PHYHD1: variants seen among roughly 807,000 people sequenced by gnomAD.
PHYHD1 encodes phytanoyl-CoA dioxygenase domain-containing protein 1.
A neutral mutation model predicts 43.6 loss-of-function variants in PHYHD1; 42 were observed. That is an observed-to-expected ratio of 0.96 (90% CI 0.75 to 1.25). The LOEUF (loss-of-function observed/expected upper bound fraction) is 1.25. PHYHD1 is among the 50% of genes most tolerant of loss of function. The probability of loss-of-function intolerance (pLI) is 0.00; values close to 1 mark genes in which losing one functional copy is unlikely to be tolerated. For missense variants in PHYHD1, 342 were observed against 370.8 expected, an observed-to-expected ratio of 0.92 and a Z score of 0.64; for synonymous variants, 139 against 143.6, an observed-to-expected ratio of 0.97 and a Z score of 0.23.
intron 4 of PHYHD1, among the ~76,000 whole-genome samples, chr9:128,932,398 G>A (rs560424955): frequency 2.7e-5 from 4 of 150,936 alleles, no homozygotes; most frequent in East Asian, 3.9e-4. Context: ...ATGGAATTTC[G>A]CTCTTGTTGC....
intron 4 of PHYHD1, among the ~76,000 whole-genome samples, chr9:128,928,478 G>A (rs1841193109): frequency 6.6e-6 from 1 of 152,098 alleles, no homozygotes; most frequent in Admixed American, 6.6e-5. Flanking sequence ...CGAGGTGGGT[G>A]GATCATCTGA....
At position 128,922,046 on chromosome 9, in the gene PHYHD1, T is replaced by C; in HGVS notation, c.-43T>C. ...TCTCACAGCATAATTTCCCGGCACC[T>C]GGTAAGCAGTGGTGGGGGGTGGTTT... On this transcript the variant is annotated splice_region_variant and 5_prime_UTR_variant, in exon 2 of 13. Transcript: ENST00000372592. The C allele has an allele frequency of 2.0e-6, 1 of 491,242 alleles. No individual in the cohort carries two copies. Among genetic ancestry groups the C allele is most frequent in the Non-Finnish European group, 3.6e-6 (1 of 276,112 alleles). 30.4% of individuals were successfully genotyped at this position (491,242 alleles called of 1,614,324 possible). A position where few individuals can be genotyped will look rare whatever the true frequency, so the allele number is the denominator to read the frequency against.
At position 128,933,816 on chromosome 9, in the gene PHYHD1, A is replaced by C; in HGVS notation, c.227A>C (p.Lys76Thr). 2 of 1,614,132 alleles carry C rather than the reference A, an allele frequency of 1.2e-6. No individual in the cohort carries two copies. The highest frequency in any genetic ancestry group is 2.2e-5 in the South Asian group (2 of 91,078). Residue 76 changes from lysine (K) to threonine (T), a missense_variant, in exon 5 of 13, where the codon AAG becomes ACG. By Grantham distance (78) the Lys-to-Thr change is moderately conservative. Transcript: ENST00000372592. ...STDYFLSSGD[K>T]IRFFFEKGVF... is the part of the protein sequence containing the mutation. The stretch of plus-strand genomic sequence containing the variant: ...GACTATTTCTTGAGCAGTGGTGACA[A>C]GATTCGATTCTTCTTTGAGAAAGGC...
In PHYHD1 at chr9:128,921,152, G is replaced by C. The variant is rs979796751; in HGVS notation, c.-676G>C. The C allele has an allele frequency of 1.3e-5, 2 of 152,428 alleles. No individual in the cohort carries two copies. Among genetic ancestry groups the C allele is most frequent in the Non-Finnish European group, 2.9e-5 (2 of 68,264 alleles). 9.4% of individuals were successfully genotyped at this position (152,428 alleles called of 1,614,324 possible). On this transcript the variant is annotated 5_prime_UTR_variant, in exon 1 of 13. Transcript: ENST00000372592. ...AGATGGAGTCTTACTCTGTCGTCCA[G>C]GCTGGAGTGAGTGCCGTGGCATGAT...
At chr9:128,933,986 C>T (rs1273664506) in intron 5 of PHYHD1, 25 bp from the exon 6 acceptor site, 1 of 1,613,590 alleles carries the variant, frequency 6.2e-7, no homozygotes, top group Admixed American at 1.7e-5. Context: ...CAGTTCTCTG[C>T]CTTTATCTGT....
intron 3 of PHYHD1, among the ~76,000 whole-genome samples, chr9:128,926,080 T>C (rs1281368778): frequency 2.0e-5 from 3 of 152,198 alleles, no homozygotes; most frequent in Non-Finnish European, 4.4e-5. Context: ...CATGGCTGGC[T>C]TGCTTATAGC....
rs1305370000 is a variant in PHYHD1, at chr9:128,941,836, C to T, written c.*123C>T. The T allele has an allele frequency of 1.7e-5, 23 of 1,383,298 alleles. No individual in the cohort carries two copies. Among genetic ancestry groups the T allele is most frequent in the Non-Finnish European group, 2.2e-5 (22 of 991,704 alleles). The allele number at this position is 1,383,298 out of a possible 1,614,324, so 85.7% of individuals were successfully genotyped here. A position where few individuals can be genotyped will look rare whatever the true frequency, so the allele number is the denominator to read the frequency against. ...CTTGTCTCCCCTCCTGGGCTTTCCT[C>T]CTGCCCTGTGGGCAGCAGCCTAGGC... On this transcript the variant is annotated 3_prime_UTR_variant, in exon 13 of 13. Coordinates refer to ENST00000372592, the MANE Select transcript of PHYHD1 (RefSeq NM_001100876.2).
rs538822602 is a variant in PHYHD1 at position 128,922,901 on chromosome 9, G to A, written c.33+545G>A. On this transcript the variant is annotated intron_variant, in intron 3 of 12. Coordinates refer to ENST00000372592, the MANE Select transcript of PHYHD1 (RefSeq NM_001100876.2). Reference sequence around the variant, plus strand: ...TTTTGGGAGGGTAGGGAGGAGACGGGGTCTTGCCACAGGCACACGCCCCCA... The same window carrying A: ...TTTTGGGAGGGTAGGGAGGAGACGGAGTCTTGCCACAGGCACACGCCCCCA... 2.6e-4 allele frequency among the ~76,000 whole-genome samples: 40 copies of A among 151,844 alleles called. 1 individual carries two copies. In the South Asian group the frequency reaches 8.3e-3, roughly 32 times the overall value.
chr9:128,932,972 G>A (rs765233726), intron 4 of PHYHD1, among the ~76,000 whole-genome samples: 1 of 146,560 alleles, frequency 6.8e-6, no homozygotes, highest in Non-Finnish European at 1.5e-5. Context: ...CTCAGCCTCC[G>A]GAGTAGCTGG....
chr9:128,939,705 A>G (rs2131118999), intron 9 of PHYHD1, among the ~76,000 whole-genome samples: 1 of 114,248 alleles, frequency 8.8e-6, no homozygotes. Context: ...CCCAGACTGG[A>G]GTGAGGTGGC....
Position 128,936,522 on chromosome 9 carries a change from G to A in PHYHD1, c.372+19G>A. On this transcript the variant is annotated intron_variant, in intron 7 of 12. Transcript: ENST00000372592. ...GGTGCAGGTGAGCAGAGGTGGGGGTGAGGGCCAGGAGGGTGGGCCATGTGT... is the reference window on the plus strand; with the variant it reads ...GGTGCAGGTGAGCAGAGGTGGGGGTAAGGGCCAGGAGGGTGGGCCATGTGT... The A allele has an allele frequency of 1.2e-6, 2 of 1,613,278 alleles. No homozygotes were observed. The highest frequency in any genetic ancestry group is 1.7e-6 in the Non-Finnish European group (2 of 1,179,716).
chr9:128,922,560 G>T (rs909758919), intron 3 of PHYHD1, among the ~76,000 whole-genome samples: 45 of 152,182 alleles, frequency 3.0e-4, no homozygotes, highest in African/African-American at 1.1e-3. Flanking sequence ...CCAGGGTAGG[G>T]TGGGGTGGGG....
At chr9:128,925,217 T>G (rs2131095853) in intron 3 of PHYHD1, among the ~76,000 whole-genome samples, 1 of 151,706 alleles carries the variant, frequency 6.6e-6, no homozygotes, top group East Asian at 1.9e-4. Context: ...TGACTTTCTT[T>G]TCTTTTTCTT....
intron 9 of PHYHD1, among the ~76,000 whole-genome samples, chr9:128,938,289 C>T (rs1335198953): frequency 6.6e-6 from 1 of 152,046 alleles, no homozygotes; most frequent in Non-Finnish European, 1.5e-5. Flanking sequence ...GCCTGGGTGA[C>T]AGAGTGAGAC....
intron 3 of PHYHD1, among the ~76,000 whole-genome samples, chr9:128,924,626 A>G (rs1564537959): frequency 2.0e-5 from 3 of 151,242 alleles, no homozygotes; most frequent in South Asian, 4.2e-4. Flanking sequence ...AAAAAAAAAA[A>G]AAGAAGAAGG....
At chr9:128,932,963 TC>T (rs1841332110) in intron 4 of PHYHD1, among the ~76,000 whole-genome samples, 2 of 151,354 alleles carry the variant, frequency 1.3e-5, no homozygotes, top group African/African-American at 4.9e-5. Flanking sequence ...TTCTCCTGTC[TC>T]AGCCTCCGGA....
At chr9:128,936,832 G>T (rs1454264288) in intron 8 of PHYHD1, among the ~76,000 whole-genome samples, 187 bp downstream of exon 8, 1 of 152,058 alleles carries the variant, frequency 6.6e-6, no homozygotes, top group African/African-American at 2.4e-5. Flanking sequence ...TTGGTGGTAG[G>T]GGCCGGGCGT....
intron 9 of PHYHD1, chr9:128,938,044 T>C (rs1841469577): frequency 1.2e-5 from 14 of 1,169,428 alleles, no homozygotes; most frequent in Middle Eastern, 3.2e-4. Context: ...TGGTGGCTCA[T>C]GCCTGTAATC....
chr9:128,941,247 A>G (rs1841552152), intron 11 of PHYHD1, among the ~76,000 whole-genome samples, 198 bp from the exon 12 acceptor site: 1 of 152,136 alleles, frequency 6.6e-6, no homozygotes, highest in South Asian at 2.1e-4. Flanking sequence ...AGGGGACTTG[A>G]TCCCAGAGGA....
Sources: gnomAD v4.1 joint callset for allele counts (sites outside exome capture counted in the v4.1 genomes callset) on GRCh38, gnomAD v4.1.1 for gene constraint, MANE v1.5 for transcripts, NCBI Gene and HGNC (gene_info 2026-07-23, HGNC 2026-07-21) for gene names.